Variants in KLHL29 observed in about 807,000 individuals in gnomAD.
KLHL29 encodes the protein kelch-like protein 29.
A neutral mutation model predicts 80.4 loss-of-function variants in KLHL29; 21 were observed. That is an observed-to-expected ratio of 0.26 (90% CI 0.19 to 0.38). The LOEUF is 0.38. Ranked by LOEUF, KLHL29 falls within the 10% of genes least tolerant of loss-of-function variation. KLHL29 has a pLI of 1.00. For synonymous variants in KLHL29, 511 were observed against 526.8 expected (o/e 0.97, Z 0.41); for missense variants, 867 against 1,223.9 (o/e 0.71, Z 4.35).
chr2:23,432,565 TA>T (rs1193165855), intron 1 of KLHL29, among the ~76,000 whole-genome samples: 1 of 152,226 alleles, frequency 6.6e-6, no homozygotes, highest in Non-Finnish European at 1.5e-5. Flanking sequence ...CATGTAGATT[TA>T]AAAGACCATT....
chr2:23,487,296 T>G (rs973770579), intron 2 of KLHL29, among the ~76,000 whole-genome samples: 4 of 152,124 alleles, frequency 2.6e-5, no homozygotes, highest in African/African-American at 9.7e-5. Context: ...GTAGTGAGGC[T>G]TCTAGTGGTG....
At chr2:23,431,043 C>T (rs1021563424) in intron 1 of KLHL29, among the ~76,000 whole-genome samples, 1 of 152,212 alleles carries the variant, frequency 6.6e-6, no homozygotes, top group Non-Finnish European at 1.5e-5. Context: ...TTTCTCCGTG[C>T]TGTGCAGCCT....
At chr2:23,509,794 G>A (rs959417777) in intron 2 of KLHL29, among the ~76,000 whole-genome samples, 5 of 152,104 alleles carry the variant, frequency 3.3e-5, no homozygotes, top group Non-Finnish European at 7.3e-5. Context: ...GCTGTGACCC[G>A]GGGGGTGGTG....
Position 23,659,669 on chromosome 2 carries a change from G to A in KLHL29, c.940+16819G>A, listed in dbSNP as rs548685488. On this transcript the variant is annotated intron_variant, in intron 5 of 13. Transcript: ENST00000486442. ...GAGCAGCTGGTCCCAGATCAGAGGA[G>A]GTGCCCTCACTCATACCCAACTGTG... Among the ~76,000 whole-genome samples, 10 of 152,212 alleles carry A rather than the reference G, an allele frequency of 6.6e-5. No individual in the cohort carries two copies. The South Asian group carries it at 1.0e-3, about 16-fold the overall frequency.
intron 2 of KLHL29, among the ~76,000 whole-genome samples, chr2:23,548,374 GACAC>G (rs774812499): frequency 1.3e-5 from 2 of 150,772 alleles, no homozygotes; most frequent in Non-Finnish European, 3.0e-5. Context: ...GGCACACACA[GACAC>G]ACAGACACAC....
At chr2:23,699,189 AGCTTCCTGGGCTCTG>A (rs1158784031) in intron 11 of KLHL29, among the ~76,000 whole-genome samples, 1 of 152,206 alleles carries the variant, frequency 6.6e-6, no homozygotes, top group Non-Finnish European at 1.5e-5. Context: ...CTGGGAGGCC[AGCTTCCTGGGCTCTG>A]GGCTGTGACT....
intron 2 of KLHL29, among the ~76,000 whole-genome samples, chr2:23,544,890 A>C (rs1001200491): frequency 6.6e-6 from 1 of 152,168 alleles, no homozygotes; most frequent in Non-Finnish European, 1.5e-5. Context: ...CCAGGGCCTC[A>C]TGGGTCTTAA....
At chr2:23,600,777 A>G (rs989294384) in intron 3 of KLHL29, among the ~76,000 whole-genome samples, 6 of 152,212 alleles carry the variant, frequency 3.9e-5, no homozygotes, top group African/African-American at 1.4e-4. Context: ...TGGCTCCCAC[A>G]GAGTCCTCTC....
At chr2:23,481,921 A>G (rs992022124) in intron 2 of KLHL29, among the ~76,000 whole-genome samples, 7 of 150,650 alleles carry the variant, frequency 4.6e-5, no homozygotes, top group African/African-American at 1.5e-4. Context: ...AAAAAGAAGA[A>G]GAGGCTGGTT....
rs756275596 is a variant in KLHL29 at position 23,700,384 on chromosome 2, T to C, written c.2106-2802T>C. Among the ~76,000 whole-genome samples, 43 of 152,206 alleles carry C rather than the reference T, an allele frequency of 2.8e-4. No individual in the cohort carries two copies. The highest frequency in any genetic ancestry group is 7.9e-4 in the Admixed American group (12 of 15,282). On this transcript the variant is annotated intron_variant, in intron 11 of 13. Coordinates refer to ENST00000486442, the MANE Select transcript of KLHL29 (RefSeq NM_052920.2). The surrounding 1 kb of genome is among the most constrained non-coding windows in gnomAD (Gnocchi z 4.6). ...ATACTCAAAATTCATCACTTCCTAA[T>C]TTTTTACTACATGTTACTACTCTCT...
At chr2:23,419,907 G>T (rs1461807117) in intron 1 of KLHL29, among the ~76,000 whole-genome samples, 1 of 152,172 alleles carries the variant, frequency 6.6e-6, no homozygotes, top group Non-Finnish European at 1.5e-5. Context: ...CTCGGCTGTT[G>T]ACTGGCTGGC....
intron 3 of KLHL29, among the ~76,000 whole-genome samples, chr2:23,622,544 G>A (rs1177184883): frequency 4.6e-5 from 7 of 152,206 alleles, no homozygotes; most frequent in South Asian, 2.1e-4. Flanking sequence ...ACTCCCACTC[G>A]GGACCCTGGA....
rs549281441 is a variant in KLHL29 at position 23,513,944 on chromosome 2, C to T, written c.-46+38277C>T. Among the ~76,000 whole-genome samples the T allele has an allele frequency of 3.9e-5, 6 of 152,262 alleles. No individual in the cohort carries two copies. In the East Asian group the frequency reaches 5.8e-4, roughly 15 times the overall value. On this transcript the variant is annotated intron_variant, in intron 2 of 13. Coordinates refer to ENST00000486442, the MANE Select transcript of KLHL29 (RefSeq NM_052920.2). ...ATTTCATCTGACGTCAGCTGGCTGC[C>T]GGCAACTCTGCTTGAAAACAAGAAT...
At chr2:23,637,211 G>A (rs1298485726) in intron 3 of KLHL29, among the ~76,000 whole-genome samples, 3 of 152,202 alleles carry the variant, frequency 2.0e-5, no homozygotes, top group African/African-American at 7.2e-5. Flanking sequence ...CTGATTCCGA[G>A]GAAAGCAATT....
At position 23,696,052 on chromosome 2, in the gene KLHL29, T is replaced by G. The variant is rs1022006216; in HGVS notation, c.1843T>G (p.Trp615Gly). 1.3e-6 allele frequency: 2 copies of G among 1,551,618 alleles called. No individual in the cohort carries two copies. The highest frequency in any genetic ancestry group is 1.7e-6 in the Non-Finnish European group (2 of 1,146,996). ...VTCWNPQNNK[W>G]YPLASLPFYD... Reference sequence around the variant, plus strand: ...CTGCTGGAACCCGCAGAACAACAAGTGGTACCCCTTGGCCTCGCTGCCCTT... The same window carrying G: ...CTGCTGGAACCCGCAGAACAACAAGGGGTACCCCTTGGCCTCGCTGCCCTT... The change falls in exon 10 of 14, where the codon TGG becomes GGG. Residue 615 changes from tryptophan to glycine, a missense_variant. Around this residue, in one of 2 missense-constraint regions of KLHL29, gnomAD observed 443 missense variants for 767.0 expected, o/e 0.58. Coordinates refer to ENST00000486442, the MANE Select transcript of KLHL29 (RefSeq NM_052920.2). The surrounding 1 kb of genome is among the most constrained non-coding windows in gnomAD (Gnocchi z 5.5).
intron 2 of KLHL29, among the ~76,000 whole-genome samples, chr2:23,501,914 G>A (rs1022299934): frequency 2.0e-5 from 3 of 152,094 alleles, no homozygotes; most frequent in African/African-American, 7.2e-5. Context: ...TCCAGAAGCA[G>A]CCACTGATGG....
At chr2:23,408,264 A>T (rs1016153975) in intron 1 of KLHL29, among the ~76,000 whole-genome samples, 1 of 8,828 alleles carries the variant, frequency 1.1e-4, no homozygotes, top group Non-Finnish European at 2.4e-4. Context: ...ATTTCACGCT[A>T]AAAAAAAAAA....
intron 5 of KLHL29, among the ~76,000 whole-genome samples, chr2:23,657,605 A>G (rs1572472051): frequency 6.6e-6 from 1 of 152,332 alleles, no homozygotes; most frequent in East Asian, 1.9e-4. Context: ...GAATGGAAGG[A>G]AGATTAACCA....
At chr2:23,419,451 C>T (rs1290180166) in intron 1 of KLHL29, among the ~76,000 whole-genome samples, 1 of 151,680 alleles carries the variant, frequency 6.6e-6, no homozygotes, top group Admixed American at 6.6e-5. Context: ...GGTGGGAGCC[C>T]ACAGCCGGGG....
Sources: gnomAD v4.1 joint callset for allele counts (sites outside exome capture counted in the v4.1 genomes callset) on GRCh38, gnomAD v4.1.1 for gene constraint, gnomAD v4.1.1 regional missense constraint, Gnocchi (gnomAD v3.1) non-coding constraint, MANE v1.5 for transcripts, NCBI Gene and HGNC (gene_info 2026-07-23, HGNC 2026-07-21) for gene names.